Variants in PPP5C observed in about 807,000 individuals in gnomAD.
PPP5C encodes the protein protein phosphatase 5 catalytic subunit.
Under a neutral mutation model 66.7 loss-of-function variants are expected in PPP5C, and 21 were observed. The observed-to-expected ratio is 0.31, with a 90% CI of 0.22 to 0.45. The LOEUF is 0.45. Ranked by LOEUF, PPP5C falls within the 20% of genes least tolerant of loss-of-function variation. PPP5C has a pLI of 1.00. For missense variants in PPP5C, 464 were observed against 675.9 expected (o/e 0.69, Z 3.48); for synonymous variants, 246 against 257.4 (o/e 0.96, Z 0.43).
chr19:46,374,206 G>T (rs542685225), intron 2 of PPP5C, among the ~76,000 whole-genome samples: 2 of 152,290 alleles, frequency 1.3e-5, no homozygotes, highest in South Asian at 2.1e-4. Flanking sequence ...TTCTCACCCC[G>T]CTTGGCGCAC....
intron 1 of PPP5C, among the ~76,000 whole-genome samples, chr19:46,349,375 A>T (rs565537051): frequency 6.6e-6 from 1 of 152,022 alleles, no homozygotes; most frequent in African/African-American, 2.4e-5. Context: ...ATAGAGATGG[A>T]GAATTGATTC....
Position 46,390,539 on chromosome 19 carries a change from T to C in PPP5C, c.*193T>C. Reference sequence around the variant, plus strand: ...GTCAGGGGCTGGCCAGAGGGTCTGCTCCCTGGACAGAGAGGAAGGAGGTGG... The same window carrying C: ...GTCAGGGGCTGGCCAGAGGGTCTGCCCCCTGGACAGAGAGGAAGGAGGTGG... On this transcript the variant is annotated 3_prime_UTR_variant, in exon 13 of 13. Transcript: ENST00000012443. The C allele has an allele frequency of 7.1e-7, 1 of 1,413,736 alleles. No homozygotes were observed. Among genetic ancestry groups the C allele is most frequent in the Non-Finnish European group, 9.2e-7 (1 of 1,082,786 alleles). 87.6% of individuals were successfully genotyped at this position (1,413,736 alleles called of 1,614,324 possible). A position where few individuals can be genotyped will look rare whatever the true frequency, so the allele number is the denominator to read the frequency against.
At chr19:46,352,198 G>A (rs1972198737) in intron 1 of PPP5C, among the ~76,000 whole-genome samples, 2 of 152,208 alleles carry the variant, frequency 1.3e-5, no homozygotes, top group Admixed American at 6.5e-5. Context: ...GTCTAGGGAT[G>A]GATCTGTCTC....
chr19:46,380,527 C>T (rs1370953586), intron 4 of PPP5C, among the ~76,000 whole-genome samples: 1 of 152,144 alleles, frequency 6.6e-6, no homozygotes, highest in Non-Finnish European at 1.5e-5. Context: ...GTTTCTTCTT[C>T]CATATGTGAG....
intron 1 of PPP5C, among the ~76,000 whole-genome samples, chr19:46,350,684 C>T (rs2147358249): frequency 6.6e-6 from 1 of 152,296 alleles, no homozygotes; most frequent in African/African-American, 2.4e-5. Context: ...GTTTAATCCT[C>T]CCCGGGGGCT....
chr19:46,348,679 C>T (rs1408850513), intron 1 of PPP5C, among the ~76,000 whole-genome samples: 2 of 151,936 alleles, frequency 1.3e-5, no homozygotes, highest in East Asian at 3.9e-4. Flanking sequence ...TGTGATCAAA[C>T]TATGGTTGGG....
intron 6 of PPP5C, chr19:46,384,104 A>T (rs1203090000): frequency 1.8e-6 from 1 of 551,106 alleles, no homozygotes; most frequent in African/African-American, 1.9e-5. Flanking sequence ...GTGTGACCTA[A>T]GCTGGTAGCT....
At chr19:46,370,511 A>G (rs1972569814) in intron 2 of PPP5C, among the ~76,000 whole-genome samples, 2 of 152,178 alleles carry the variant, frequency 1.3e-5, no homozygotes, top group Non-Finnish European at 2.9e-5. Flanking sequence ...GACCTGCGTG[A>G]GGCCCTTGAG....
intron 2 of PPP5C, among the ~76,000 whole-genome samples, chr19:46,368,226 G>A (rs1047141344): frequency 6.6e-6 from 1 of 152,210 alleles, no homozygotes; most frequent in Non-Finnish European, 1.5e-5. Context: ...TGCAGAAGAC[G>A]GCTGCATCCT....
chr19:46,348,378 A>G (rs1972123553), intron 1 of PPP5C, among the ~76,000 whole-genome samples: 1 of 148,450 alleles, frequency 6.7e-6, no homozygotes, highest in African/African-American at 2.5e-5. Flanking sequence ...CAATGGCGCA[A>G]TCTCGGCTCA....
At chr19:46,382,128 C>T (rs1481932054) in intron 4 of PPP5C, 5 of 152,212 alleles carry the variant, frequency 3.3e-5, no homozygotes, top group South Asian at 4.1e-4. Context: ...CCATGAAGCC[C>T]GTGTGAGGGA....
At chr19:46,356,559 C>T (rs1972290791) in intron 2 of PPP5C, among the ~76,000 whole-genome samples, 1 of 152,176 alleles carries the variant, frequency 6.6e-6, no homozygotes, top group African/African-American at 2.4e-5. Context: ...TGAATTCAGC[C>T]TGAATTCAGA....
intron 2 of PPP5C, among the ~76,000 whole-genome samples, chr19:46,373,416 G>C (rs1972630548): frequency 6.6e-6 from 1 of 152,230 alleles, no homozygotes; most frequent in African/African-American, 2.4e-5. Flanking sequence ...GAGGTGCATG[G>C]AGGATAAATG....
Position 46,388,100 on chromosome 19 carries a change from G to A in PPP5C, c.1136-308G>A. 2.6e-6 allele frequency: 1 copy of A among 380,738 alleles called. No individual in the cohort carries two copies. Among genetic ancestry groups the A allele is most frequent in the Non-Finnish European group, 4.8e-6 (1 of 208,864 alleles). 23.6% of individuals were successfully genotyped at this position (380,738 alleles called of 1,614,324 possible). A position where few individuals can be genotyped will look rare whatever the true frequency, so the allele number is the denominator to read the frequency against. On this transcript the variant is annotated intron_variant, in intron 9 of 12. Transcript: ENST00000012443. The surrounding 1 kb of genome is among the most constrained non-coding windows in gnomAD (Gnocchi z 4.9). ...TGAGGAACTTTGTTCCTAGGGCAGT[G>A]CGGAGCCACCAAAGGCTTTGAGTGG...
Position 46,363,307 on chromosome 19 carries a change from CAAAAAAAAAAAAAAAAAAAAAAA to C in PPP5C, c.363+9336_363+9358del, listed in dbSNP as rs1158423038. On this transcript the variant is annotated intron_variant, in intron 2 of 12. Transcript: ENST00000012443. ...TGGGCGACAGAGCGAGACTCCATCT[CAAAAAAAAAAAAAAAAAAAAAAA>C]AAAAAAAAAAAAAAAAACAATTTTA... Among the ~76,000 whole-genome samples the C allele has an allele frequency of 5.7e-3, 158 of 27,934 alleles. 1 individual carries two copies. Among genetic ancestry groups the C allele is most frequent in the African/African-American group, 0.027 (147 of 5,450 alleles). 18.3% of individuals were successfully genotyped at this position (27,934 alleles called of 152,430 possible).
At chr19:46,356,106 T>C (rs1345826924) in intron 2 of PPP5C, among the ~76,000 whole-genome samples, 1 of 152,164 alleles carries the variant, frequency 6.6e-6, no homozygotes, top group Non-Finnish European at 1.5e-5. Flanking sequence ...ATCTTGTGGG[T>C]GTGCCACGTC....
intron 2 of PPP5C, among the ~76,000 whole-genome samples, chr19:46,367,702 T>C (rs1972514121): frequency 1.3e-5 from 2 of 152,208 alleles, no homozygotes; most frequent in East Asian, 1.9e-4. Context: ...AGTCACTCAG[T>C]TGGAAAACTT....
At position 46,390,872 on chromosome 19, in the gene PPP5C, A is replaced by T; in HGVS notation, c.*526A>T. 4.4e-6 allele frequency: 5 copies of T among 1,141,784 alleles called. No homozygotes were observed. Among genetic ancestry groups the T allele is most frequent in the Non-Finnish European group, 5.5e-6 (5 of 914,438 alleles). The allele number at this position is 1,141,784 out of a possible 1,614,324, so 70.7% of individuals were successfully genotyped here. ...AAGTCAGCTTGTCTCTGGATGGTGG[A>T]GCCGAAGGAGCTGCCCGGGTTGGGT... On this transcript the variant is annotated 3_prime_UTR_variant, in exon 13 of 13. Transcript: ENST00000012443.
chr19:46,389,995 C>T (rs998850324), intron 11 of PPP5C, 56 bp from the exon 12 acceptor site: 2 of 1,543,470 alleles, frequency 1.3e-6, no homozygotes, highest in Non-Finnish European at 1.8e-6. Context: ...CTTCTCTTAA[C>T]CCACCAGCCC....
Sources: allele counts gnomAD v4.1 joint callset (sites outside exome capture counted in the v4.1 genomes callset), GRCh38; gene constraint gnomAD v4.1.1; non-coding constraint Gnocchi (gnomAD v3.1); transcripts MANE v1.5; gene names NCBI Gene and HGNC (gene_info 2026-07-23, HGNC 2026-07-21).